PRELID2: variants seen among roughly 807,000 people sequenced by gnomAD.
The protein encoded by PRELID2 is PRELI domain containing 2, also known as PRELI domain-containing protein 2.
PRELID2 carries 25 observed loss-of-function variants against 28.4 expected under a neutral mutation model. That is an observed-to-expected ratio of 0.88 (90% CI 0.64 to 1.23). PRELID2 has a LOEUF of 1.23. PRELID2 is among the 50% of genes most tolerant of loss of function. The pLI, the probability that PRELID2 is intolerant of heterozygous loss-of-function variation, is 0.00. For synonymous variants in PRELID2, 76 were observed against 71.6 expected (o/e 1.06, Z -0.31); for missense variants, 201 against 214.4 (o/e 0.94, Z 0.39).
chr5:145,601,470 C>T (rs1043343207), intron 1 of PRELID2, among the ~76,000 whole-genome samples: 20 of 152,120 alleles, frequency 1.3e-4, no homozygotes, highest in Non-Finnish European at 2.8e-4. Context: ...ATATTTCAAG[C>T]GATAAGATTT....
the PRELID2 span, among the ~76,000 whole-genome samples, chr5:145,305,448 A>G: frequency 1.3e-5 from 2 of 152,106 alleles, no homozygotes; most frequent in Admixed American, 6.6e-5. Context: ...TTGTAGGTCA[A>G]TTTTCCACAG....
chr5:145,303,864 T>C, the PRELID2 span, among the ~76,000 whole-genome samples: 1 of 152,174 alleles, frequency 6.6e-6, no homozygotes, highest in Non-Finnish European at 1.5e-5. Flanking sequence ...GAAATGACCA[T>C]CTTTGTTGCA....
At chr5:145,816,076 CTTT>C (rs1191298938) in intron 4 of PRELID2, among the ~76,000 whole-genome samples, 9 of 89,042 alleles carry the variant, frequency 1.0e-4, no homozygotes, top group African/African-American at 3.3e-4. Context: ...TATTGTGTGT[CTTT>C]TTTTTTTTTT....
At chr5:145,487,764 T>C (rs1752230618) in intron 1 of PRELID2, among the ~76,000 whole-genome samples, 1 of 152,120 alleles carries the variant, frequency 6.6e-6, no homozygotes. Flanking sequence ...AGTAAGCTAA[T>C]AGAAATAGGA....
At chr5:145,701,238 AC>A (rs1755399750) in intron 1 of PRELID2, among the ~76,000 whole-genome samples, 1 of 152,212 alleles carries the variant, frequency 6.6e-6, no homozygotes, top group South Asian at 2.1e-4. Context: ...CACCTTGGCA[AC>A]AGAGGAAGCA....
In PRELID2 at chr5:145,669,298, C is replaced by A. The variant is rs115107052; in HGVS notation, n.70+95633G>T. Among the ~76,000 whole-genome samples the A allele has an allele frequency of 5.7e-3, 874 of 152,148 alleles. 12 individuals are homozygous for A. The highest frequency in any genetic ancestry group is 0.019 in the African/African-American group (809 of 41,530). On this transcript the variant is annotated intron_variant and non_coding_transcript_variant, in intron 1 of 2. Transcript: ENST00000510259. ...AAATGAACAGTAATGGTCATTGCAA[C>A]CAAGATATCAATAAAAGGCAAACAC...
intron 1 of PRELID2, among the ~76,000 whole-genome samples, chr5:145,720,528 C>G (rs1581096818): frequency 6.6e-6 from 1 of 151,708 alleles, no homozygotes; most frequent in Admixed American, 6.6e-5. Context: ...AGATCAAGGT[C>G]TAAAAAGATA....
intron 1 of PRELID2, among the ~76,000 whole-genome samples, chr5:145,746,468 CAAG>C (rs1756993923): frequency 6.6e-6 from 1 of 152,144 alleles, no homozygotes; most frequent in Admixed American, 6.6e-5. Context: ...AACAATTCAA[CAAG>C]AAGAGCTAAC....
chr5:145,723,165 T>A (rs1413212217), intron 1 of PRELID2, among the ~76,000 whole-genome samples: 1 of 152,170 alleles, frequency 6.6e-6, no homozygotes, highest in Non-Finnish European at 1.5e-5. Flanking sequence ...ATAGAATTCA[T>A]CACCATACTG....
chr5:145,691,432 G>A (rs59140948), intron 1 of PRELID2, among the ~76,000 whole-genome samples: 9,381 of 152,168 alleles, frequency 0.062, 930 homozygotes, highest in African/African-American at 0.21. Context: ...TCGGCCGGGC[G>A]TGGTGGCTCA....
chr5:145,323,251 A>C, the PRELID2 span, among the ~76,000 whole-genome samples: 1 of 152,114 alleles, frequency 6.6e-6, no homozygotes, highest in African/African-American at 2.4e-5. Flanking sequence ...AAGAAAGCTA[A>C]GAGTGACTGG....
chr5:145,729,068 A>T, intron 1 of PRELID2: 1 of 603,046 alleles, frequency 1.7e-6, no homozygotes, highest in South Asian at 2.0e-5. Context: ...TAAGAAATTC[A>T]AGTAAGCAGA....
At chr5:145,820,285 G>A (rs1291217625) in intron 2 of PRELID2, among the ~76,000 whole-genome samples, 2 of 151,946 alleles carry the variant, frequency 1.3e-5, no homozygotes, top group African/African-American at 2.4e-5. Context: ...TACAGAAAAT[G>A]TTTAACTCAA....
At chr5:145,717,956 T>C (rs1049867786) in intron 1 of PRELID2, among the ~76,000 whole-genome samples, 1 of 151,966 alleles carries the variant, frequency 6.6e-6, no homozygotes, top group African/African-American at 2.4e-5. Flanking sequence ...TTTGACATTA[T>C]ACTACATTAA....
intron 1 of PRELID2, among the ~76,000 whole-genome samples, chr5:145,748,126 C>T (rs1373461239): frequency 3.3e-5 from 5 of 152,194 alleles, no homozygotes; most frequent in Admixed American, 2.6e-4. Context: ...CTCACCACTC[C>T]TATTCAACAT....
At chr5:145,613,249 CAT>C (rs1277301093) in intron 1 of PRELID2, among the ~76,000 whole-genome samples, 2 of 151,718 alleles carry the variant, frequency 1.3e-5, no homozygotes, top group South Asian at 2.1e-4. Flanking sequence ...AGTATTTTTT[CAT>C]ATGTTTGCTG....
intron 1 of PRELID2, among the ~76,000 whole-genome samples, chr5:145,551,043 T>C (rs1308976500): frequency 6.6e-6 from 1 of 152,210 alleles, no homozygotes; most frequent in African/African-American, 2.4e-5. Context: ...TAAAATCTTA[T>C]AAAAACTAAA....
intron 1 of PRELID2, among the ~76,000 whole-genome samples, chr5:145,588,596 C>A (rs1753184924): frequency 6.6e-6 from 1 of 152,082 alleles, no homozygotes; most frequent in Non-Finnish European, 1.5e-5. Context: ...AATAAGGTGG[C>A]ATTAAGATAA....
intron 2 of PRELID2, among the ~76,000 whole-genome samples, chr5:145,821,331 G>T (rs552149416): frequency 6.6e-5 from 10 of 151,210 alleles, no homozygotes; most frequent in Non-Finnish European, 1.2e-4. Context: ...GCCCTCTTCT[G>T]TGTATGTGTG....
Sources: allele counts gnomAD v4.1 joint callset (sites outside exome capture counted in the v4.1 genomes callset), GRCh38; gene constraint gnomAD v4.1.1; transcripts MANE v1.5; gene names NCBI Gene and HGNC (gene_info 2026-07-23, HGNC 2026-07-21).